Variants in RPS20 observed in about 807,000 individuals in gnomAD.
RPS20 encodes ribosomal protein S20.
Under a neutral mutation model 15.3 loss-of-function variants are expected in RPS20, and 3 were observed. The observed-to-expected ratio is 0.20, with a 90% confidence interval of 0.09 to 0.51. RPS20 has a LOEUF of 0.51. RPS20 is among the 20% of genes least tolerant of loss of function. The pLI is 0.96. For synonymous variants in RPS20, 62 were observed against 47.8 expected (o/e 1.30, Z -1.23); for missense variants, 67 against 145.9 (o/e 0.46, Z 2.79).
downstream of RPS20, chr8:56,073,021 T>C: frequency 2.6e-6 from 4 of 1,555,110 alleles, no homozygotes; most frequent in Admixed American, 7.5e-5. Flanking sequence ...ATTCCTAAAA[T>C]CTGCCAGTAT....
chr8:56,073,858 A>C (rs17814456), intron 2 of RPS20, 90 bp from the exon 3 acceptor site: 1 of 1,271,740 alleles, frequency 7.9e-7, no homozygotes, highest in Admixed American at 1.7e-5. Context: ...TAGCGTATAA[A>C]ATTATCACCG....
chr8:56,073,675 G>GC lies in RPS20; in HGVS notation c.177+19dup, dbSNP rs34275230. 8.4e-3 allele frequency: 13,405 copies of GC among 1,604,564 alleles called. 85 individuals are homozygous for GC. Among genetic ancestry groups the GC allele is most frequent in the Middle Eastern group, 0.01 (54 of 5,212 alleles). Reference sequence around the variant, plus strand: ...CATCCGGAAGCAACTCCTACTTCCTGCCCCTCCGATTTACTTTACCTTGGT... The same window carrying GC: ...CATCCGGAAGCAACTCCTACTTCCTGCCCCCTCCGATTTACTTTACCTTGGT... On this transcript the variant is annotated intron_variant, in intron 3 of 3. Transcript: ENST00000009589.
downstream of RPS20, among the ~76,000 whole-genome samples, chr8:56,068,804 TATC>T (rs1177576366): frequency 9.3e-3 from 979 of 105,308 alleles, 3 homozygotes; most frequent in South Asian, 0.021. Context: ...TTGGTGAAAA[TATC>T]TTTTTTTTTT....
chr8:56,071,869 A>C (rs1809765986), downstream of RPS20, among the ~76,000 whole-genome samples: 6 of 152,258 alleles, frequency 3.9e-5, no homozygotes, highest in South Asian at 1.2e-3. Context: ...AACAATTTGT[A>C]GATGTTCCAT....
chr8:56,069,759 G>A (rs901604705), downstream of RPS20: 11 of 1,551,408 alleles, frequency 7.1e-6, no homozygotes, highest in Admixed American at 2.0e-4. Context: ...ATGTCCCCGG[G>A]GATTCGAATA....
downstream of RPS20, among the ~76,000 whole-genome samples, chr8:56,070,719 A>T (rs981978983): frequency 1.7e-4 from 25 of 149,430 alleles, no homozygotes; most frequent in Admixed American, 6.8e-5. Context: ...ACACAGCGAG[A>T]CTGTTTCCAT....
downstream of RPS20, chr8:56,069,645 G>C: frequency 8.8e-7 from 1 of 1,134,616 alleles, no homozygotes; most frequent in South Asian, 1.3e-5. Flanking sequence ...TGCATCCACT[G>C]AAGTACAATT....
downstream of RPS20, among the ~76,000 whole-genome samples, chr8:56,072,254 T>C (rs144344921): frequency 3.8e-4 from 58 of 151,620 alleles, no homozygotes; most frequent in African/African-American, 1.4e-3. Context: ...TTTTAAAAAA[T>C]GTAAAAGTGA....
At chr8:56,072,551 C>T (rs1338102974), downstream of RPS20, among the ~76,000 whole-genome samples, 2 of 144,612 alleles carry the variant, frequency 1.4e-5, no homozygotes, top group South Asian at 2.1e-4. Flanking sequence ...AACGCCGTCC[C>T]CCCCCCCAAA....
chr8:56,067,951 G>C (rs1809654848), exon 6 of RPS20: 1 of 152,190 alleles, frequency 6.6e-6, no homozygotes, highest in South Asian at 2.1e-4. Flanking sequence ...TTGCACAACA[G>C]TATGAGTATA....
chr8:56,073,997 A>C (rs1331709164), intron 2 of RPS20, 63 bp downstream of exon 2: 22 of 1,313,632 alleles, frequency 1.7e-5, no homozygotes, highest in Non-Finnish European at 2.4e-5. Context: ...ACTAACATTA[A>C]CGAGTAAAGC....
At chr8:56,074,232 G>C (rs768896867) in intron 1 of RPS20, 73 bp from the exon 2 acceptor site, 2 of 1,538,016 alleles carry the variant, frequency 1.3e-6, no homozygotes, top group Non-Finnish European at 1.8e-6. Flanking sequence ...GCAGCTTCCG[G>C]AAGCTTCCCG....
Position 56,073,180 on chromosome 8 carries a change from G to A in RPS20, c.270C>T (p.Asp90=), listed in dbSNP as rs199637313. 2.2e-5 allele frequency: 36 copies of A among 1,600,368 alleles called. No individual in the cohort carries two copies. The East Asian group carries it at 6.9e-4, about 31-fold the overall frequency. Reference sequence around the variant, plus strand: ...TAACAATCTCAGAAGGACTGTGCAAGTCAATGAGTCGCTTGTGAATTCTCA... The same window carrying A: ...TAACAATCTCAGAAGGACTGTGCAAATCAATGAGTCGCTTGTGAATTCTCA... ...FQMRIHKRLI[D]LHSPSEIVKQ... The change falls in exon 4 of 4, where the codon GAC becomes GAT. Residue 90 remains aspartate, a synonymous_variant. Transcript: ENST00000009589.
downstream of RPS20, among the ~76,000 whole-genome samples, chr8:56,072,547 GT>G (rs1474464219): frequency 7.4e-6 from 1 of 135,282 alleles, no homozygotes; most frequent in East Asian, 2.1e-4. Flanking sequence ...GCAAAACGCC[GT>G]CCCCCCCCCC....
rs528516642 is a variant in RPS20, at chr8:56,074,472, T to A, written c.-89A>T. The A allele has an allele frequency of 1.1e-5, 16 of 1,435,050 alleles. No individual in the cohort carries two copies. The highest frequency in any genetic ancestry group is 2.8e-5 in the African/African-American group (2 of 70,358). 88.9% of individuals were successfully genotyped at this position (1,435,050 alleles called of 1,614,324 possible). A position where few individuals can be genotyped will look rare whatever the true frequency, so the allele number is the denominator to read the frequency against. ...GGAGCAGGAGCGTGCGGACCAAAAA[T>A]CCTCAGCCCTTACGACCGCGTCTTC... On this transcript the variant is annotated 5_prime_UTR_variant, in exon 1 of 4. Transcript: ENST00000009589.
At chr8:56,071,650 G>C (rs1250203384), downstream of RPS20, among the ~76,000 whole-genome samples, 1 of 152,208 alleles carries the variant, frequency 6.6e-6, no homozygotes, top group African/African-American at 2.4e-5. Flanking sequence ...TGGGAGGGAA[G>C]ATTTCATTTT....
Position 56,074,504 on chromosome 8 carries a change from A to C in RPS20, c.-121T>G, listed in dbSNP as rs764545942. ...CCCTTACGACCGCGTCTTCCTCAAAAAGAAAGGGGTGGGACTTGAGCAACG... is the reference window on the plus strand; with the variant it reads ...CCCTTACGACCGCGTCTTCCTCAAACAGAAAGGGGTGGGACTTGAGCAACG... On this transcript the variant is annotated 5_prime_UTR_variant, in exon 1 of 4. Coordinates refer to ENST00000009589, the MANE Select transcript of RPS20 (RefSeq NM_001023.4). 4.6e-6 allele frequency: 5 copies of C among 1,097,902 alleles called. No homozygotes were observed. Among genetic ancestry groups the C allele is most frequent in the Non-Finnish European group, 5.2e-6 (4 of 767,520 alleles). 68.0% of individuals were successfully genotyped at this position (1,097,902 alleles called of 1,614,324 possible).
At chr8:56,068,752 A>C (rs1339626229), downstream of RPS20, among the ~76,000 whole-genome samples, 2 of 144,934 alleles carry the variant, frequency 1.4e-5, no homozygotes, top group Non-Finnish European at 3.0e-5. Flanking sequence ...TGAAAGCATC[A>C]ATTTGACAGT....
chr8:56,074,133 G>C lies in RPS20; in HGVS notation c.30C>G (p.Pro10=), dbSNP rs773291256. The change falls in exon 2 of 4, where the codon CCC becomes CCG. Residue 10 remains proline, a synonymous_variant. Transcript: ENST00000009589. ...GGTGAATTGCCACCTCCGGCTCCACGGGTGTTTTTCCGGTATCCTTAAAAG... is the reference window on the plus strand; with the variant it reads ...GGTGAATTGCCACCTCCGGCTCCACCGGTGTTTTTCCGGTATCCTTAAAAG... MAFKDTGKT[P]VEPEVAIHRI... is the part of the protein sequence containing the mutation. The C allele has an allele frequency of 8.1e-6, 13 of 1,613,134 alleles. No homozygotes were observed. The highest frequency in any genetic ancestry group is 1.7e-5 in the Admixed American group (1 of 59,966).
Sources: gnomAD v4.1 joint callset for allele counts (sites outside exome capture counted in the v4.1 genomes callset) on GRCh38, gnomAD v4.1.1 for gene constraint, MANE v1.5 for transcripts, NCBI Gene and HGNC (gene_info 2026-07-23, HGNC 2026-07-21) for gene names.